EYS: variants seen among roughly 807,000 people sequenced by gnomAD.
The protein encoded by EYS is protein eyes shut homolog.
Under a neutral mutation model 282.1 loss-of-function variants are expected in EYS, and 250 were observed. The observed-to-expected ratio is 0.89, with a 90% CI of 0.80 to 0.98. The LOEUF (loss-of-function observed/expected upper bound fraction) is 0.98, where lower values mean the gene tolerates loss of function less well. Among genes scored for constraint, EYS ranks in the 50% least tolerant of loss-of-function variants. The probability of loss-of-function intolerance (pLI) is 0.00; values close to 1 mark genes in which losing one functional copy is unlikely to be tolerated. For missense variants in EYS, 4,016 were observed against 3,709.0 expected (o/e 1.08, Z -2.15); for synonymous variants, 1,355 against 1,282.9 (o/e 1.06, Z -1.20).
chr6:65,679,848 T>C (rs571549048), intron 1 of EYS, among the ~76,000 whole-genome samples: 4 of 152,038 alleles, frequency 2.6e-5, no homozygotes, highest in South Asian at 2.1e-4. Context: ...AGTCGTACAA[T>C]AGCAATTTGT....
chr6:65,593,949 G>A (rs1405742673), intron 2 of EYS, among the ~76,000 whole-genome samples: 1 of 151,894 alleles, frequency 6.6e-6, no homozygotes, highest in African/African-American at 2.4e-5. Context: ...CAAGGAACTT[G>A]GAGCATAGAG....
chr6:64,922,177 G>GCATATGCATATATGTGT (rs1562260178), intron 15 of EYS, among the ~76,000 whole-genome samples: 1 of 151,970 alleles, frequency 6.6e-6, no homozygotes, highest in African/African-American at 2.4e-5. Context: ...TCCCACCTCT[G>GCATATGCATATATGTGT]TCACACACAT....
At chr6:64,870,475 G>T (rs541038596) in intron 19 of EYS, among the ~76,000 whole-genome samples, 14 of 141,972 alleles carry the variant, frequency 9.9e-5, no homozygotes, top group African/African-American at 3.4e-4. Context: ...CTGATTTGCA[G>T]ATTTACAACA....
chr6:63,837,359 T>C (rs1253650680), intron 36 of EYS, among the ~76,000 whole-genome samples: 2 of 152,068 alleles, frequency 1.3e-5, no homozygotes, highest in Non-Finnish European at 2.9e-5. Flanking sequence ...GATAAAATCT[T>C]AGTGAATCAT....
At chr6:65,153,363 ATGTGTGTGTGTGTGTGTGTGTG>A (rs67661407) in intron 12 of EYS, among the ~76,000 whole-genome samples, 33 of 135,854 alleles carry the variant, frequency 2.4e-4, no homozygotes, top group African/African-American at 7.6e-4. Context: ...GAGATCATAA[ATGTGTGTGTGTGTGTGTGTGTG>A]TGTGTGTGTG....
At chr6:65,315,555 C>T (rs1274851003) in intron 11 of EYS, among the ~76,000 whole-genome samples, 8 of 151,290 alleles carry the variant, frequency 5.3e-5, no homozygotes, top group South Asian at 2.1e-4. Context: ...ATAAATCTTG[C>T]ATCTGGCTTC....
At chr6:63,757,337 C>T (rs1287209452) in intron 41 of EYS, among the ~76,000 whole-genome samples, 1 of 151,830 alleles carries the variant, frequency 6.6e-6, no homozygotes, top group Non-Finnish European at 1.5e-5. Flanking sequence ...GGGAAGAAAC[C>T]CCACCCTGGT....
intron 14 of EYS, among the ~76,000 whole-genome samples, chr6:64,960,743 C>T (rs1428020603): frequency 2.0e-5 from 3 of 152,094 alleles, no homozygotes; most frequent in African/African-American, 7.2e-5. Flanking sequence ...AATATTCCAT[C>T]ATCAGGTATT....
chr6:65,044,470 A>C (rs1773039352), intron 13 of EYS, among the ~76,000 whole-genome samples: 1 of 151,768 alleles, frequency 6.6e-6, no homozygotes, highest in African/African-American at 2.4e-5. Flanking sequence ...AATTTTGTGG[A>C]GATTTTCCCC....
intron 5 of EYS, among the ~76,000 whole-genome samples, chr6:65,439,641 C>T (rs1208293710): frequency 1.3e-5 from 2 of 152,022 alleles, no homozygotes; most frequent in African/African-American, 4.8e-5. Context: ...CATGATTTGG[C>T]TCTCTGTTTT....
At chr6:65,258,988 A>C (rs1359127600) in intron 12 of EYS, among the ~76,000 whole-genome samples, 1 of 152,104 alleles carries the variant, frequency 6.6e-6, no homozygotes, top group Non-Finnish European at 1.5e-5. Context: ...AGAAGAAAAA[A>C]TAAATAAACT....
At chr6:65,222,607 C>A (rs927678355) in intron 12 of EYS, among the ~76,000 whole-genome samples, 1 of 152,144 alleles carries the variant, frequency 6.6e-6, no homozygotes, top group Admixed American at 6.5e-5. Flanking sequence ...AATTTGGCCT[C>A]ATTTAACCAA....
chr6:64,512,698 T>C (rs1011839600), intron 26 of EYS, among the ~76,000 whole-genome samples: 5 of 151,770 alleles, frequency 3.3e-5, no homozygotes, highest in East Asian at 3.9e-4. Context: ...TAAAAGAGAT[T>C]AAAAGAGAAG....
At chr6:65,146,837 AT>A (rs1483268780) in intron 12 of EYS, among the ~76,000 whole-genome samples, 8 of 151,962 alleles carry the variant, frequency 5.3e-5, no homozygotes, top group Non-Finnish European at 1.0e-4. Flanking sequence ...TATCAGTTTA[AT>A]TTTTATTAAT....
chr6:65,333,273 T>C (rs1451635009), intron 11 of EYS, among the ~76,000 whole-genome samples: 1 of 151,770 alleles, frequency 6.6e-6, no homozygotes, highest in Non-Finnish European at 1.5e-5. Flanking sequence ...TAATTTCTCT[T>C]GCAATTTCAC....
At position 64,132,178 on chromosome 6, in the gene EYS, C is replaced by A. The variant is rs202159899; in HGVS notation, c.6425-50176G>T. On this transcript the variant is annotated intron_variant, in intron 31 of 42. Transcript: ENST00000503581. ...AGATGATTTGCTTTCATATACAGATCAAAAAATTCCTTTGTTAGTATTAAA... is the reference window on the plus strand; with the variant it reads ...AGATGATTTGCTTTCATATACAGATAAAAAAATTCCTTTGTTAGTATTAAA... Among the ~76,000 whole-genome samples, 17 of 151,892 alleles carry A rather than the reference C, an allele frequency of 1.1e-4. No homozygotes were observed. The East Asian group carries it at 3.3e-3, about 29-fold the overall frequency.
At chr6:64,226,059 T>C (rs1440399083) in intron 31 of EYS, among the ~76,000 whole-genome samples, 3 of 152,148 alleles carry the variant, frequency 2.0e-5, no homozygotes, top group Non-Finnish European at 4.4e-5. Context: ...GACCATCAGT[T>C]CTCTGGAAGA....
At chr6:64,573,923 T>C (rs1208435036) in intron 26 of EYS, among the ~76,000 whole-genome samples, 1 of 151,938 alleles carries the variant, frequency 6.6e-6, no homozygotes, top group African/African-American at 2.4e-5. Context: ...ATTCCATTAC[T>C]GGTTATATAC....
intron 26 of EYS, among the ~76,000 whole-genome samples, chr6:64,535,325 T>C (rs1764484136): frequency 6.6e-6 from 1 of 152,180 alleles, no homozygotes; most frequent in Non-Finnish European, 1.5e-5. Flanking sequence ...TATGAAATCA[T>C]AAATGAACAA....
Sources: allele counts gnomAD v4.1 joint callset (sites outside exome capture counted in the v4.1 genomes callset), GRCh38; gene constraint gnomAD v4.1.1; transcripts MANE v1.5; gene names NCBI Gene and HGNC (gene_info 2026-07-23, HGNC 2026-07-21).